Variants in WWOX observed in about 807,000 individuals in gnomAD.
WWOX encodes WW domain-containing oxidoreductase.
WWOX carries 69 observed loss-of-function variants against 46.2 expected under a neutral mutation model. The ratio of observed to expected loss-of-function variants is 1.49; its 90% CI spans 1.23 to 1.82. WWOX has a LOEUF of 1.82. Among genes scored for constraint, WWOX ranks in the 40% most tolerant of loss-of-function variants. The pLI is 0.00. For synonymous variants in WWOX, 359 were observed against 202.6 expected (o/e 1.77, Z -6.56); for missense variants, 919 against 542.6 (o/e 1.69, Z -6.89).
chr16:78,530,052 C>G (rs2043583768), intron 8 of WWOX, among the ~76,000 whole-genome samples: 1 of 152,116 alleles, frequency 6.6e-6, no homozygotes, highest in African/African-American at 2.4e-5. Context: ...CACTTGAACC[C>G]CCTGCACTCC....
chr16:78,193,094 C>T (rs1354145361), intron 5 of WWOX, among the ~76,000 whole-genome samples: 1 of 152,246 alleles, frequency 6.6e-6, no homozygotes, highest in African/African-American at 2.4e-5. Flanking sequence ...TCATCAGGGC[C>T]TGCAGAGGGC....
At chr16:78,812,744 A>G (rs1002780242) in intron 8 of WWOX, among the ~76,000 whole-genome samples, 1 of 151,666 alleles carries the variant, frequency 6.6e-6, no homozygotes, top group Admixed American at 6.6e-5. Context: ...CTAAAAAAAA[A>G]ATCTATCCAA....
intron 8 of WWOX, among the ~76,000 whole-genome samples, chr16:78,648,487 G>A (rs1161967656): frequency 6.6e-6 from 1 of 152,164 alleles, no homozygotes; most frequent in Non-Finnish European, 1.5e-5. Flanking sequence ...ATGGACAATG[G>A]CCAGACCATA....
chr16:78,872,824 G>T (rs1013525262), intron 8 of WWOX: 1 of 152,216 alleles, frequency 6.6e-6, no homozygotes. Flanking sequence ...TTGAGACAGG[G>T]TCTCGCTCTC....
intron 8 of WWOX, among the ~76,000 whole-genome samples, chr16:79,074,727 G>A (rs559197878): frequency 6.6e-6 from 1 of 152,056 alleles, no homozygotes; most frequent in African/African-American, 2.4e-5. Context: ...CCTCTACAAA[G>A]ATAACTAAGC....
chr16:78,207,435 A>G (rs544777411), intron 5 of WWOX, among the ~76,000 whole-genome samples: 98 of 152,130 alleles, frequency 6.4e-4, no homozygotes, highest in African/African-American at 2.2e-3. Flanking sequence ...TTTTCTACCA[A>G]CATTATCTAA....
chr16:78,386,942 A>C lies in WWOX; in HGVS notation c.599A>C (p.Lys200Thr). The change falls in exon 6 of 9, where the codon AAG (lysine) becomes ACG (threonine). Residue 200 changes from lysine to threonine, a missense_variant. Coordinates refer to ENST00000566780, the MANE Select transcript of WWOX (RefSeq NM_016373.4). The part of the protein sequence containing the change: ...VQHFAEAFKA[K>T]NVPLHVLVCN... ...CATTTTGCTGAAGCATTCAAGGCCAAGAATGTGTGAGTGTTCCAGTGGAGG... is the reference window on the plus strand; with the variant it reads ...CATTTTGCTGAAGCATTCAAGGCCACGAATGTGTGAGTGTTCCAGTGGAGG... The C allele has an allele frequency of 6.2e-7, 1 of 1,613,988 alleles. No homozygotes were observed. Among genetic ancestry groups the C allele is most frequent in the East Asian group, 2.2e-5 (1 of 44,882 alleles).
At chr16:78,525,720 C>T (rs983678976) in intron 8 of WWOX, 4 of 151,922 alleles carry the variant, frequency 2.6e-5, no homozygotes, top group Non-Finnish European at 5.9e-5. Context: ...GAGAATCTAC[C>T]ATAAGCTACT....
At chr16:78,622,906 T>G (rs2151646684) in intron 8 of WWOX, among the ~76,000 whole-genome samples, 1 of 152,198 alleles carries the variant, frequency 6.6e-6, no homozygotes, top group African/African-American at 2.4e-5. Flanking sequence ...AGTCTCTCTC[T>G]CCATTGCTGG....
Position 78,856,311 on chromosome 16 carries a change from G to A in WWOX, c.1057-355297G>A, listed in dbSNP as rs940739974. Among the ~76,000 whole-genome samples the A allele has an allele frequency of 7.9e-5, 12 of 152,170 alleles. 1 individual carries two copies. The highest frequency in any genetic ancestry group is 7.9e-4 in the Admixed American group (12 of 15,280). On this transcript the variant is annotated intron_variant, in intron 8 of 8. Transcript: ENST00000566780. ...GGGGCACCGAAAGCTTTAAAGCAGGGAGTAACAGGCTTGTAGTGACTTTTA... is the reference window on the plus strand; with the variant it reads ...GGGGCACCGAAAGCTTTAAAGCAGGAAGTAACAGGCTTGTAGTGACTTTTA...
At position 79,211,919 on chromosome 16, in the gene WWOX, A is replaced by ATTTT. The variant is rs1285152969; in HGVS notation, c.*123_*124insTTTT. The ATTTT allele has an allele frequency of 2.6e-6, 4 of 1,543,546 alleles. No individual in the cohort carries two copies. Among genetic ancestry groups the ATTTT allele is most frequent in the Admixed American group, 2.0e-5 (1 of 51,158 alleles). ...GATCCGCAAGAGTAAAGGAAATAAG[A>ATTTT]GCAGTCACAACAGAGTGAAAAATCT... On this transcript the variant is annotated 3_prime_UTR_variant, in exon 9 of 9. Coordinates refer to ENST00000566780, the MANE Select transcript of WWOX (RefSeq NM_016373.4).
chr16:78,224,126 C>T (rs1049952972), intron 5 of WWOX, among the ~76,000 whole-genome samples: 14 of 152,076 alleles, frequency 9.2e-5, no homozygotes, highest in Admixed American at 3.3e-4. Context: ...GCCTCAGCCT[C>T]CCAAGTAGCT....
chr16:78,784,726 T>C (rs568011773), intron 8 of WWOX, among the ~76,000 whole-genome samples: 3 of 151,968 alleles, frequency 2.0e-5, no homozygotes, highest in Non-Finnish European at 2.9e-5. Flanking sequence ...GGTTGATGAG[T>C]TGGGGAGCCT....
At chr16:78,530,870 G>C (rs780100527) in intron 8 of WWOX, among the ~76,000 whole-genome samples, 1 of 152,168 alleles carries the variant, frequency 6.6e-6, no homozygotes, top group African/African-American at 2.4e-5. Context: ...TAATCCAGGA[G>C]CTGTGCTAAA....
intron 8 of WWOX, among the ~76,000 whole-genome samples, chr16:78,448,130 G>C (rs2083603975): frequency 6.6e-6 from 1 of 152,066 alleles, no homozygotes. Context: ...TAGAAGTTCT[G>C]GGACAACGGC....
At chr16:78,942,225 C>G (rs371136315) in intron 8 of WWOX, among the ~76,000 whole-genome samples, 1 of 152,080 alleles carries the variant, frequency 6.6e-6, no homozygotes, top group Non-Finnish European at 1.5e-5. Context: ...ATAGTCAATT[C>G]CCTTTAAAGT....
At chr16:78,465,271 T>C (rs768187005) in intron 8 of WWOX, among the ~76,000 whole-genome samples, 1 of 152,240 alleles carries the variant, frequency 6.6e-6, no homozygotes, top group Admixed American at 6.5e-5. Flanking sequence ...TTGGAAATCA[T>C]ACTGATTTAG....
At chr16:78,957,280 C>T (rs367847310) in intron 8 of WWOX, among the ~76,000 whole-genome samples, 43 of 152,302 alleles carry the variant, frequency 2.8e-4, no homozygotes, top group East Asian at 9.6e-4. Context: ...ACATGCGTGA[C>T]GACCAGATAA....
At chr16:78,813,498 A>G (rs1464371215) in intron 8 of WWOX, among the ~76,000 whole-genome samples, 1 of 152,130 alleles carries the variant, frequency 6.6e-6, no homozygotes, top group Non-Finnish European at 1.5e-5. Context: ...TGTCCTGGTT[A>G]GAGAGATATA....
Sources: gnomAD v4.1 joint callset for allele counts (sites outside exome capture counted in the v4.1 genomes callset) on GRCh38, gnomAD v4.1.1 for gene constraint, MANE v1.5 for transcripts, NCBI Gene and HGNC (gene_info 2026-07-23, HGNC 2026-07-21) for gene names.